Variants in KCNMA1 observed in about 807,000 individuals in gnomAD.
The protein encoded by KCNMA1 is Calcium-activated potassium channel subunit alpha-1.
In KCNMA1, 29 loss-of-function variants were observed where a neutral mutation model predicts 140.0. The observed-to-expected ratio is 0.21, with a 90% CI of 0.15 to 0.28. KCNMA1 has a LOEUF of 0.28. Among genes scored for constraint, KCNMA1 ranks in the 10% least tolerant of loss-of-function variants. KCNMA1 has a pLI of 1.00. For synonymous variants in KCNMA1, 612 were observed against 611.9 expected (o/e 1.00, Z 0.00); for missense variants, 880 against 1,602.2 (o/e 0.55, Z 7.70).
intron 1 of KCNMA1, among the ~76,000 whole-genome samples, chr10:77,407,839 CA>C (rs2096524345): frequency 6.6e-6 from 1 of 152,194 alleles, no homozygotes; most frequent in Non-Finnish European, 1.5e-5. Context: ...AAGAGTAATC[CA>C]CTGAAGCTGC....
intron 1 of KCNMA1, among the ~76,000 whole-genome samples, chr10:77,412,972 C>G (rs1265764048): frequency 2.0e-5 from 3 of 152,224 alleles, no homozygotes; most frequent in Admixed American, 2.0e-4. Flanking sequence ...ATTCTTGTGC[C>G]TCAGCCTCCC....
At chr10:77,025,242 G>GTATGTATATATATA (rs1555136871) in intron 16 of KCNMA1, among the ~76,000 whole-genome samples, 1 of 42,742 alleles carries the variant, frequency 2.3e-5, no homozygotes, top group African/African-American at 7.7e-5. Context: ...GGGTGTGTGT[G>GTATGTATATATATA]TATATATATA....
At chr10:77,075,200 C>T (rs774336926) in intron 13 of KCNMA1, among the ~76,000 whole-genome samples, 2 of 152,188 alleles carry the variant, frequency 1.3e-5, no homozygotes, top group Non-Finnish European at 2.9e-5. Context: ...CTTCCCCACA[C>T]TGCAGACTCA....
At chr10:76,988,668 C>G (rs1327988374) in intron 19 of KCNMA1, among the ~76,000 whole-genome samples, 2 of 152,144 alleles carry the variant, frequency 1.3e-5, no homozygotes, top group African/African-American at 4.8e-5. Flanking sequence ...CTTTCCCTCC[C>G]TCTCCCAAAA....
At chr10:77,137,558 C>G (rs1216152561) in intron 5 of KCNMA1, among the ~76,000 whole-genome samples, 3 of 152,128 alleles carry the variant, frequency 2.0e-5, no homozygotes, top group Non-Finnish European at 4.4e-5. Flanking sequence ...CCTCCCATCC[C>G]CAGCTTGGTC....
chr10:77,187,805 G>A (rs745831483), intron 3 of KCNMA1, among the ~76,000 whole-genome samples: 9 of 152,110 alleles, frequency 5.9e-5, no homozygotes, highest in Non-Finnish European at 1.2e-4. Context: ...AGTGGCAACA[G>A]AACTGTTTAT....
At chr10:76,962,505 G>T (rs999648230) in intron 20 of KCNMA1, among the ~76,000 whole-genome samples, 1 of 152,126 alleles carries the variant, frequency 6.6e-6, no homozygotes, top group Admixed American at 6.5e-5. Context: ...TGCAAATACT[G>T]ACTTTATTGA....
chr10:76,908,875 C>T (rs1235567492), intron 25 of KCNMA1, among the ~76,000 whole-genome samples: 1 of 152,204 alleles, frequency 6.6e-6, no homozygotes, highest in Admixed American at 6.5e-5. Flanking sequence ...TCATAATACC[C>T]AGGTTATGAC....
At chr10:77,388,035 T>C (rs2095678926) in intron 2 of KCNMA1, among the ~76,000 whole-genome samples, 1 of 152,222 alleles carries the variant, frequency 6.6e-6, no homozygotes, top group African/African-American at 2.4e-5. Context: ...AGATGAAAGC[T>C]GATGAAAGAT....
chr10:77,173,112 T>C (rs192699432), intron 5 of KCNMA1, among the ~76,000 whole-genome samples: 9 of 152,318 alleles, frequency 5.9e-5, no homozygotes, highest in Non-Finnish European at 1.2e-4. Flanking sequence ...TCTAGCATGA[T>C]ACTATTTCAA....
intron 20 of KCNMA1, among the ~76,000 whole-genome samples, chr10:76,959,919 A>G (rs924993595): frequency 2.6e-5 from 4 of 152,304 alleles, no homozygotes; most frequent in African/African-American, 9.6e-5. Context: ...AACAAAATAG[A>G]TAAGTAACAT....
chr10:77,215,515 A>T (rs1371758530), intron 3 of KCNMA1, among the ~76,000 whole-genome samples: 1 of 151,288 alleles, frequency 6.6e-6, no homozygotes, highest in Admixed American at 6.6e-5. Context: ...AACTTTCATT[A>T]GATAAATAAA....
chr10:77,573,671 T>C (rs563291142), intron 1 of KCNMA1, among the ~76,000 whole-genome samples: 3 of 133,266 alleles, frequency 2.3e-5, no homozygotes, highest in Admixed American at 8.1e-5. Context: ...TAGAATAGAA[T>C]AGAATAGAAT....
At chr10:77,487,422 T>C (rs774826811) in intron 1 of KCNMA1, among the ~76,000 whole-genome samples, 14 of 152,116 alleles carry the variant, frequency 9.2e-5, no homozygotes, top group Non-Finnish European at 1.9e-4. Context: ...AAAAAGTATA[T>C]ACTTTTGGTG....
rs565187506 is a variant in KCNMA1, at chr10:77,000,336, C to T, written c.2266+1071G>A. 7.9e-5 allele frequency among the ~76,000 whole-genome samples: 12 copies of T among 152,330 alleles called. No homozygotes were observed. The South Asian group carries it at 2.5e-3, about 32-fold the overall frequency. ...TAAAGTCCTCCAGTGGAACCACAGC[C>T]TTTTCTGCACTTGGACCAAGACCCA... On this transcript the variant is annotated intron_variant, in intron 19 of 27. Transcript: ENST00000286628.
At chr10:77,266,079 C>A (rs1017626950) in intron 2 of KCNMA1, among the ~76,000 whole-genome samples, 198 of 137,426 alleles carry the variant, frequency 1.4e-3, no homozygotes, top group Admixed American at 1.5e-3. Flanking sequence ...GAAAACCTGC[C>A]AAAAAAAAAA....
At chr10:77,042,991 T>C (rs370157789) in intron 14 of KCNMA1, among the ~76,000 whole-genome samples, 3 of 152,246 alleles carry the variant, frequency 2.0e-5, no homozygotes, top group Admixed American at 6.5e-5. Context: ...GACTATGATA[T>C]ACCTGACCAC....
intron 22 of KCNMA1, among the ~76,000 whole-genome samples, chr10:76,948,427 T>C (rs1463942247): frequency 6.6e-6 from 1 of 152,218 alleles, no homozygotes; most frequent in East Asian, 1.9e-4. Context: ...TTCTCTACAA[T>C]GTTTTGAGAG....
chr10:76,995,590 G>C (rs71475628), intron 19 of KCNMA1: 2 of 471,048 alleles, frequency 4.2e-6, no homozygotes, highest in Non-Finnish European at 8.8e-6. Flanking sequence ...TGAGATAGTG[G>C]AGGAGGATGG....
Sources: allele counts gnomAD v4.1 joint callset (sites outside exome capture counted in the v4.1 genomes callset), GRCh38; gene constraint gnomAD v4.1.1; transcripts MANE v1.5; gene names NCBI Gene and HGNC (gene_info 2026-07-23, HGNC 2026-07-21).